Variants in KLF8 observed in about 807,000 individuals in gnomAD.
KLF8 encodes KLF transcription factor 8, also known as Krueppel-like factor 8.
Under a neutral mutation model 18.2 loss-of-function variants are expected in KLF8, and 10 were observed. The ratio of observed to expected loss-of-function variants is 0.55; its 90% CI spans 0.34 to 0.93. KLF8 has a LOEUF of 0.93. Among genes scored for constraint, KLF8 ranks in the 40% least tolerant of loss-of-function variants. The pLI is 0.02. For missense variants in KLF8, 264 were observed against 277.9 expected (o/e 0.95, Z 0.36); for synonymous variants, 109 against 97.3 (o/e 1.12, Z -0.71).
At chrX:56,064,138 CAT>C in the KLF8 span, among the ~76,000 whole-genome samples, 2 of 101,183 alleles carry the variant, frequency 2.0e-5, no homozygotes, top group African/African-American at 4.0e-5. Flanking sequence ...TATGTATATA[CAT>C]ATATATGTGT....
In KLF8 at chrX:56,243,333, T is replaced by G. The variant is rs983141094; in HGVS notation, c.8-6898T>G. ...GTTGTGGACACCTTTCAACACTGTCTTCTTGGCCTTCAAAGCCTTTGCTTT... is the reference window on the plus strand; with the variant it reads ...GTTGTGGACACCTTTCAACACTGTCGTCTTGGCCTTCAAAGCCTTTGCTTT... On this transcript the variant is annotated intron_variant, in intron 1 of 5. Coordinates refer to ENST00000468660, the MANE Select transcript of KLF8 (RefSeq NM_007250.5). The G allele has an allele frequency of 9.2e-6, 3 of 324,993 alleles. No homozygotes were observed. The Admixed American group carries it at 1.1e-4, about 12-fold the overall frequency. 26.8% of individuals were successfully genotyped at this position (324,993 alleles called of 1,213,427 possible).
At chrX:56,128,409 C>T in the KLF8 span, among the ~76,000 whole-genome samples, 1 of 111,493 alleles carries the variant, frequency 9.0e-6, no homozygotes, top group African/African-American at 3.3e-5. Context: ...TTCAGCTCAC[C>T]AGCTTTGGGT....
chrX:55,939,194 T>A, the KLF8 span, among the ~76,000 whole-genome samples: 2 of 111,538 alleles, frequency 1.8e-5, no homozygotes, highest in African/African-American at 6.5e-5. Context: ...CACAGTGCAA[T>A]CAAACTAGAA....
chrX:56,040,085 G>T, the KLF8 span, among the ~76,000 whole-genome samples: 3 of 111,462 alleles, frequency 2.7e-5, no homozygotes, highest in Admixed American at 9.6e-5. Context: ...TGTAGCCTGA[G>T]ACATTACTGA....
chrX:56,052,364 G>T, the KLF8 span, among the ~76,000 whole-genome samples: 2 of 111,877 alleles, frequency 1.8e-5, no homozygotes, highest in African/African-American at 6.5e-5. Flanking sequence ...AGAGTTTCCA[G>T]TTTTTCTGTT....
the KLF8 span, among the ~76,000 whole-genome samples, chrX:56,135,906 G>C: frequency 3.6e-5 from 4 of 111,187 alleles, no homozygotes; most frequent in Non-Finnish European, 7.6e-5. Context: ...ACATCAAAAT[G>C]TTAGAAAGAT....
At chrX:56,272,591 C>T (rs2067071474) in intron 5 of KLF8, among the ~76,000 whole-genome samples, 1 of 110,924 alleles carries the variant, frequency 9.0e-6, no homozygotes, top group Non-Finnish European at 1.9e-5. Context: ...GGTATGTGAC[C>T]ATAGGAATAC....
chrX:56,088,141 A>T, the KLF8 span, among the ~76,000 whole-genome samples: 2 of 111,419 alleles, frequency 1.8e-5, no homozygotes, highest in South Asian at 3.7e-4. Flanking sequence ...TTATAGTCCA[A>T]ATAGAAGAAA....
At chrX:56,101,136 A>T in the KLF8 span, among the ~76,000 whole-genome samples, 3 of 111,045 alleles carry the variant, frequency 2.7e-5, no homozygotes, top group Non-Finnish European at 3.8e-5. Flanking sequence ...TTTTTCCTCT[A>T]GTAGTCTCCA....
At chrX:56,266,847 A>G in intron 3 of KLF8, 2 of 754,202 alleles carry the variant, frequency 2.7e-6, no homozygotes, top group Non-Finnish European at 3.1e-6. Context: ...TAGGAGGCTG[A>G]AAAACAACAT....
chrX:56,016,798 A>G, the KLF8 span, among the ~76,000 whole-genome samples: 1 of 111,899 alleles, frequency 8.9e-6, no homozygotes, highest in Non-Finnish European at 1.9e-5. Context: ...AGATTTTTCT[A>G]TTCCTTCTGC....
At chrX:56,159,125 T>C in the KLF8 span, among the ~76,000 whole-genome samples, 6 of 112,400 alleles carry the variant, frequency 5.3e-5, no homozygotes, top group Admixed American at 4.7e-4. Context: ...AAAGGACTTT[T>C]CTGCATCTAT....
the KLF8 span, among the ~76,000 whole-genome samples, chrX:55,918,065 A>G: frequency 2.7e-5 from 3 of 112,001 alleles, no homozygotes; most frequent in East Asian, 8.4e-4. Flanking sequence ...TAGTAATTCA[A>G]CTTCTCACTA....
At chrX:56,004,881 G>A in the KLF8 span, among the ~76,000 whole-genome samples, 2 of 110,983 alleles carry the variant, frequency 1.8e-5, no homozygotes, top group African/African-American at 6.5e-5. Flanking sequence ...CTGACAACTC[G>A]CTTGTCAGCA....
At chrX:56,042,912 A>G in the KLF8 span, among the ~76,000 whole-genome samples, 2 of 111,861 alleles carry the variant, frequency 1.8e-5, no homozygotes, top group Admixed American at 1.9e-4. Flanking sequence ...TTGCCTCATA[A>G]TATCACTGGA....
the KLF8 span, among the ~76,000 whole-genome samples, chrX:56,171,805 C>T: frequency 8.9e-6 from 1 of 111,841 alleles, no homozygotes; most frequent in African/African-American, 3.3e-5. Flanking sequence ...CAAGTCCTTG[C>T]TATTGTGAAT....
chrX:56,022,431 C>T, the KLF8 span, among the ~76,000 whole-genome samples: 7 of 106,834 alleles, frequency 6.6e-5, no homozygotes, highest in African/African-American at 2.1e-4. Context: ...TGCCTGTAGT[C>T]CCAGCTACTC....
the KLF8 span, among the ~76,000 whole-genome samples, chrX:56,215,588 C>T: frequency 1.5e-4 from 16 of 108,159 alleles, no homozygotes; most frequent in Admixed American, 8.0e-4. Context: ...TTTGGGAGGC[C>T]GAGGCAGGTG....
chrX:56,007,118 A>T, the KLF8 span, among the ~76,000 whole-genome samples: 1 of 112,116 alleles, frequency 8.9e-6, no homozygotes, highest in East Asian at 2.8e-4. Flanking sequence ...TTTTAGCTCC[A>T]TATGTCCCAG....
Sources: allele counts gnomAD v4.1 joint callset (sites outside exome capture counted in the v4.1 genomes callset), GRCh38; gene constraint gnomAD v4.1.1; transcripts MANE v1.5; gene names NCBI Gene and HGNC (gene_info 2026-07-23, HGNC 2026-07-21).